The following SERPING1 variants were observed in gnomAD, a reference collection of about 807,000 sequenced individuals.
SERPING1 encodes the protein plasma protease C1 inhibitor.
Under a neutral mutation model 34.1 loss-of-function variants are expected in SERPING1, and 5 were observed. The ratio of observed to expected loss-of-function variants is 0.15; its 90% CI spans 0.08 to 0.31. The LOEUF is 0.31. Among genes scored for constraint, SERPING1 ranks in the 10% least tolerant of loss-of-function variants. The probability of loss-of-function intolerance (pLI) is 1.00; values close to 1 mark genes in which losing one functional copy is unlikely to be tolerated. For missense variants in SERPING1, 505 were observed against 609.5 expected (o/e 0.83, Z 1.81); for synonymous variants, 225 against 242.4 (o/e 0.93, Z 0.67).
At chr11:57,598,410 T>A in intron 2 of SERPING1, 89 bp downstream of exon 2, 1 of 1,307,576 alleles carries the variant, frequency 7.6e-7, no homozygotes, top group Non-Finnish European at 1.1e-6. Flanking sequence ...GATTAACCCT[T>A]CAGGCTCCGG....
intron 6 of SERPING1, chr11:57,611,236 T>C: frequency 5.1e-6 from 1 of 196,430 alleles, no homozygotes; most frequent in Non-Finnish European, 1.1e-5. Flanking sequence ...TGACCAAAAG[T>C]CCTTCTAATA....
intron 4 of SERPING1, 58 bp from the exon 5 acceptor site, chr11:57,605,952 C>T: frequency 6.8e-7 from 1 of 1,461,820 alleles, no homozygotes; most frequent in East Asian, 2.3e-5. Context: ...TCAAATCGTG[C>T]TCATGGAAAG....
chr11:57,604,020 C>T lies in SERPING1; in HGVS notation c.685+1851C>T, dbSNP rs184205947. On this transcript the variant is annotated intron_variant, in intron 4 of 7. Transcript: ENST00000278407. ...CAAAAATTAGCCAGGTGTGGTGGCA[C>T]GCGCCTGTAGTCCCAGCAGGAGAAT... Among the ~76,000 whole-genome samples, 9 of 150,780 alleles carry T rather than the reference C, an allele frequency of 6.0e-5. No individual in the cohort carries two copies. In the East Asian group the frequency reaches 1.2e-3, roughly 20 times the overall value.
intron 7 of SERPING1, among the ~76,000 whole-genome samples, chr11:57,613,534 A>G (rs1945503950): frequency 6.6e-6 from 1 of 152,250 alleles, no homozygotes; most frequent in African/African-American, 2.4e-5. Flanking sequence ...ATACAGATGA[A>G]CAGCCAGTTG....
At chr11:57,611,523 GCA>G in intron 6 of SERPING1, 192 bp from the exon 7 acceptor site, 2 of 635,112 alleles carry the variant, frequency 3.1e-6, no homozygotes, top group East Asian at 2.7e-5. Flanking sequence ...CCTCTCCCCA[GCA>G]CAGAGTTGGA....
At chr11:57,605,607 C>G in intron 4 of SERPING1, 1 of 172,790 alleles carries the variant, frequency 5.8e-6, no homozygotes, top group Non-Finnish European at 1.2e-5. Context: ...TTTCAGTGGA[C>G]TGAAGGCTTT....
chr11:57,603,613 C>T (rs1479374080), intron 4 of SERPING1, among the ~76,000 whole-genome samples: 6 of 150,860 alleles, frequency 4.0e-5, no homozygotes, highest in Admixed American at 1.3e-4. Flanking sequence ...CTGAGGCGGG[C>T]GGACCACGAG....
At chr11:57,607,281 C>T (rs1343200574) in intron 6 of SERPING1, among the ~76,000 whole-genome samples, 1 of 152,224 alleles carries the variant, frequency 6.6e-6, no homozygotes, top group African/African-American at 2.4e-5. Flanking sequence ...TCCCTCTTCA[C>T]TCAGATCCTC....
At position 57,600,367 on chromosome 11, in the gene SERPING1, G is replaced by C. The variant is rs2135308836; in HGVS notation, c.540G>C (p.Gln180His). Residue 180 changes from glutamine to histidine, a missense_variant, in exon 3 of 8, where the codon CAG (glutamine) becomes CAC (histidine). Gln to His is a conservative substitution (Grantham distance 24, BLOSUM62 0). Transcript: ENST00000278407. Reference protein sequence around the residue: ...SPFSIASLLTQVLLGAGENTK... With the variant: ...SPFSIASLLTHVLLGAGENTK... ...TCAGCATCGCCAGCCTCCTTACCCAGGTCCTGCTCGGTAAGACCCTGCTTG... is the reference window on the plus strand; with the variant it reads ...TCAGCATCGCCAGCCTCCTTACCCACGTCCTGCTCGGTAAGACCCTGCTTG... The C allele has an allele frequency of 3.1e-6, 5 of 1,612,336 alleles. No homozygotes were observed. The highest frequency in any genetic ancestry group is 3.4e-6 in the Non-Finnish European group (4 of 1,180,022).
intron 6 of SERPING1, among the ~76,000 whole-genome samples, chr11:57,608,504 TTTTG>T (rs768489485): frequency 3.3e-5 from 5 of 151,650 alleles, no homozygotes; most frequent in Admixed American, 6.6e-5. Context: ...CCAATATGAG[TTTTG>T]TTTGTTTGTT....
chr11:57,601,420 G>A (rs1378266059), intron 3 of SERPING1, among the ~76,000 whole-genome samples: 1 of 148,984 alleles, frequency 6.7e-6, no homozygotes, highest in Non-Finnish European at 1.5e-5. Context: ...AAAAGAAGCA[G>A]CCTAGTGTCT....
intron 2 of SERPING1, among the ~76,000 whole-genome samples, chr11:57,599,395 C>G (rs975127637): frequency 2.0e-5 from 3 of 152,092 alleles, no homozygotes; most frequent in African/African-American, 4.8e-5. Context: ...TTTCTTCGTT[C>G]CCTTCCTAAT....
At chr11:57,606,288 C>A in intron 5 of SERPING1, 75 bp downstream of exon 5, 1 of 1,600,084 alleles carries the variant, frequency 6.2e-7, no homozygotes, top group Non-Finnish European at 8.6e-7. Flanking sequence ...GCCCACTTAA[C>A]CCCAAGTTCT....
intron 7 of SERPING1, 72 bp downstream of exon 7, chr11:57,612,008 G>A: frequency 1.6e-6 from 2 of 1,250,030 alleles, no homozygotes; most frequent in Non-Finnish European, 2.3e-6. Context: ...GATGTAGTTA[G>A]CATTCTCTAG....
chr11:57,600,094 ACCCACCACAGAG>A lies in SERPING1; in HGVS notation c.276_287del (p.Glu93_Thr96del), dbSNP rs1011123424. 1.2e-6 allele frequency: 2 copies of A among 1,613,216 alleles called. No homozygotes were observed. Among genetic ancestry groups the A allele is most frequent in the Admixed American group, 1.7e-5 (1 of 59,912 alleles). ...ATACCACTGATGAACCCACCACACA[ACCCACCACAGAG>A]CCCACCACCCAACCCACCATCCAAC... On this transcript the variant is annotated inframe_deletion, in exon 3 of 8. Transcript: ENST00000278407.
intron 2 of SERPING1, among the ~76,000 whole-genome samples, chr11:57,598,805 C>T (rs146736096): frequency 8.5e-5 from 13 of 152,174 alleles, no homozygotes; most frequent in Admixed American, 2.6e-4. Flanking sequence ...TGGTAGCAAA[C>T]ATACGTGGGT....
At chr11:57,607,769 C>T (rs1945427712) in intron 6 of SERPING1, among the ~76,000 whole-genome samples, 2 of 152,318 alleles carry the variant, frequency 1.3e-5, no homozygotes, top group Admixed American at 6.5e-5. Flanking sequence ...AAGCAGTTCT[C>T]CTGCCTCAGC....
At chr11:57,604,977 G>C (rs1945392499) in intron 4 of SERPING1, among the ~76,000 whole-genome samples, 1 of 151,618 alleles carries the variant, frequency 6.6e-6, no homozygotes, top group Non-Finnish European at 1.5e-5. Flanking sequence ...CTCTAGGTTG[G>C]GTAACAGAGT....
chr11:57,606,188 C>T lies in SERPING1; in HGVS notation c.864C>T (p.Val288=), dbSNP rs541108758. The T allele has an allele frequency of 5.0e-6, 8 of 1,614,212 alleles. No individual in the cohort carries two copies. The African/African-American group carries it at 9.3e-5, about 19-fold the overall frequency. ...GTCTGCCCTCCGATACCCGCCTTGT[C>T]CTCCTCAATGCTATCTACCTGAGTG... ...LDSLPSDTRL[V]LLNAIYLSAK... The change falls in exon 5 of 8, where the codon GTC becomes GTT. Residue 288 remains valine, a synonymous_variant. Transcript: ENST00000278407.
Sources: allele counts gnomAD v4.1 joint callset (sites outside exome capture counted in the v4.1 genomes callset), GRCh38; gene constraint gnomAD v4.1.1; transcripts MANE v1.5; gene names NCBI Gene and HGNC (gene_info 2026-07-23, HGNC 2026-07-21).